The following KCNMA1 variants were observed in gnomAD, a reference collection of about 807,000 sequenced individuals.
KCNMA1 encodes potassium calcium-activated channel subfamily M alpha 1, also known as Calcium-activated potassium channel subunit alpha-1.
KCNMA1 carries 29 observed loss-of-function variants against 140.0 expected under a neutral mutation model. The ratio of observed to expected loss-of-function variants is 0.21; its 90% confidence interval spans 0.15 to 0.28. The LOEUF (loss-of-function observed/expected upper bound fraction) is 0.28. Ranked by LOEUF, KCNMA1 falls within the 10% of genes least tolerant of loss-of-function variation. KCNMA1 has a pLI of 1.00. For synonymous variants in KCNMA1, 612 were observed against 611.9 expected (o/e 1.00, Z 0.00); for missense variants, 880 against 1,602.2 (o/e 0.55, Z 7.70).
At chr10:77,144,770 C>T (rs11002044) in intron 5 of KCNMA1, among the ~76,000 whole-genome samples, 69,644 of 151,796 alleles carry the variant, frequency 0.46, 16,722 homozygotes, top group African/African-American at 0.51. Flanking sequence ...GGCAGTATGG[C>T]ATGAAACCCC....
At chr10:77,202,601 G>C (rs760766267) in intron 3 of KCNMA1, among the ~76,000 whole-genome samples, 7 of 152,104 alleles carry the variant, frequency 4.6e-5, no homozygotes, top group Non-Finnish European at 8.8e-5. Flanking sequence ...GCTTAATGAA[G>C]GTGCAGGGTG....
intron 1 of KCNMA1, among the ~76,000 whole-genome samples, chr10:77,604,151 C>A (rs4261229): frequency 1.3e-5 from 2 of 152,210 alleles, no homozygotes; most frequent in Non-Finnish European, 2.9e-5. Context: ...GAAGTGAATG[C>A]TAGGAGTTGC....
chr10:77,135,096 A>G (rs576594308), intron 5 of KCNMA1, among the ~76,000 whole-genome samples: 46 of 151,656 alleles, frequency 3.0e-4, no homozygotes, highest in African/African-American at 1.1e-3. Flanking sequence ...AAAACTATAC[A>G]TCTGATAAGG....
At chr10:77,513,957 GAC>G (rs1384488306) in intron 1 of KCNMA1, among the ~76,000 whole-genome samples, 8 of 152,218 alleles carry the variant, frequency 5.3e-5, no homozygotes, top group Non-Finnish European at 1.5e-5. Context: ...GCCTGCCCAG[GAC>G]CTGCACTCCT....
At chr10:77,258,237 A>G (rs953874723) in intron 2 of KCNMA1, among the ~76,000 whole-genome samples, 2 of 152,226 alleles carry the variant, frequency 1.3e-5, no homozygotes, top group Non-Finnish European at 2.9e-5. Flanking sequence ...CTGATTCAAC[A>G]TGCTGACAAT....
At chr10:76,883,580 C>A (rs199927887), downstream of KCNMA1, among the ~76,000 whole-genome samples, 12 of 152,210 alleles carry the variant, frequency 7.9e-5, no homozygotes, top group Non-Finnish European at 1.5e-5. Flanking sequence ...TTGTTCACCC[C>A]TTTCAAAGCC....
chr10:77,186,275 A>G (rs1487241417), intron 3 of KCNMA1, among the ~76,000 whole-genome samples: 1 of 152,108 alleles, frequency 6.6e-6, no homozygotes. Context: ...TCACGTGGAA[A>G]AATCTCCAGA....
At chr10:77,143,684 A>G (rs1425754845) in intron 5 of KCNMA1, among the ~76,000 whole-genome samples, 2 of 152,188 alleles carry the variant, frequency 1.3e-5, no homozygotes, top group Non-Finnish European at 2.9e-5. Flanking sequence ...GGATAAGCAA[A>G]GGCTTCTTAG....
intron 1 of KCNMA1, among the ~76,000 whole-genome samples, chr10:77,517,212 C>T (rs1475914999): frequency 2.0e-5 from 3 of 152,116 alleles, no homozygotes; most frequent in Non-Finnish European, 4.4e-5. Flanking sequence ...AGCTGCCTGA[C>T]CTCATTCAAG....
At chr10:77,290,989 T>A (rs561929219) in intron 2 of KCNMA1, among the ~76,000 whole-genome samples, 6 of 152,214 alleles carry the variant, frequency 3.9e-5, no homozygotes, top group African/African-American at 9.6e-5. Context: ...TGCAGCATTC[T>A]TGACAAGATG....
chr10:77,309,137 G>A (rs1052435275), intron 2 of KCNMA1, among the ~76,000 whole-genome samples: 5 of 152,104 alleles, frequency 3.3e-5, no homozygotes, highest in African/African-American at 9.7e-5. Context: ...GTATTTCCTC[G>A]GTTGATCCAA....
intron 1 of KCNMA1, among the ~76,000 whole-genome samples, chr10:77,591,691 A>G (rs1461067651): frequency 1.3e-5 from 2 of 152,180 alleles, no homozygotes; most frequent in African/African-American, 2.4e-5. Flanking sequence ...TTTACATGCA[A>G]TCCCTGTGCT....
At chr10:77,446,959 G>T (rs113781894) in intron 1 of KCNMA1, among the ~76,000 whole-genome samples, 4,307 of 152,246 alleles carry the variant, frequency 0.028, 201 homozygotes, top group African/African-American at 0.098. Context: ...TGCCCTTCAG[G>T]GTCAGGTCAA....
chr10:77,229,455 T>G (rs2154200407), intron 3 of KCNMA1, among the ~76,000 whole-genome samples: 1 of 152,286 alleles, frequency 6.6e-6, no homozygotes, highest in East Asian at 1.9e-4. Flanking sequence ...TATCCATAAT[T>G]GAGGAGGAAG....
chr10:77,100,925 A>G (rs2097082210), intron 9 of KCNMA1, among the ~76,000 whole-genome samples: 1 of 152,132 alleles, frequency 6.6e-6, no homozygotes, highest in Admixed American at 6.5e-5. Flanking sequence ...TTTAAGGTAC[A>G]CAGTTCATCT....
intron 1 of KCNMA1, among the ~76,000 whole-genome samples, chr10:77,474,346 C>T (rs2098231573): frequency 1.3e-5 from 2 of 152,110 alleles, no homozygotes; most frequent in Admixed American, 1.3e-4. Flanking sequence ...TTAGGGTGGG[C>T]CTTCATCCAA....
intron 2 of KCNMA1, among the ~76,000 whole-genome samples, chr10:77,265,089 T>C (rs1448101752): frequency 6.6e-6 from 1 of 152,138 alleles, no homozygotes; most frequent in Non-Finnish European, 1.5e-5. Context: ...TTTCACTCTA[T>C]TGCCCAGGCT....
At chr10:76,948,898 T>C in intron 22 of KCNMA1, 3 of 572,586 alleles carry the variant, frequency 5.2e-6, no homozygotes, top group Non-Finnish European at 9.4e-6. Context: ...ATGGTTAATA[T>C]ACTTGATACA....
chr10:76,881,464 A>C (rs981903982), downstream of KCNMA1, among the ~76,000 whole-genome samples: 1 of 152,204 alleles, frequency 6.6e-6, no homozygotes, highest in South Asian at 2.1e-4. Flanking sequence ...GCATTATATC[A>C]CAGTGGCTAA....
Sources: allele counts gnomAD v4.1 joint callset (sites outside exome capture counted in the v4.1 genomes callset), GRCh38; gene constraint gnomAD v4.1.1; transcripts MANE v1.5; gene names NCBI Gene and HGNC (gene_info 2026-07-23, HGNC 2026-07-21).